HHAT: variants seen among roughly 807,000 people sequenced by gnomAD.
The protein encoded by HHAT is hedgehog acyltransferase, also known as protein-cysteine N-palmitoyltransferase HHAT.
A neutral mutation model predicts 70.8 loss-of-function variants in HHAT; 47 were observed. The ratio of observed to expected loss-of-function variants is 0.66; its 90% confidence interval spans 0.53 to 0.85. The LOEUF (loss-of-function observed/expected upper bound fraction) is 0.85, where lower values mean the gene tolerates loss of function less well. Among genes scored for constraint, HHAT ranks in the 40% least tolerant of loss-of-function variants. The pLI, the probability that HHAT is intolerant of heterozygous loss-of-function variation, is 0.00. For synonymous variants in HHAT, 228 were observed against 247.6 expected, an observed-to-expected ratio of 0.92 and a Z score of 0.74; for missense variants, 609 against 604.8, an observed-to-expected ratio of 1.01 and a Z score of -0.07.
intron 9 of HHAT, among the ~76,000 whole-genome samples, chr1:210,581,747 C>A (rs1232548278): frequency 1.3e-5 from 2 of 152,216 alleles, no homozygotes; most frequent in Admixed American, 6.5e-5. Context: ...CAAAGTCTCC[C>A]AGTACCTGGT....
chr1:210,410,447 G>GTT (rs34599460), intron 6 of HHAT, among the ~76,000 whole-genome samples: 3,728 of 119,262 alleles, frequency 0.031, 154 homozygotes, highest in African/African-American at 0.092. Context: ...AAAACCTTTT[G>GTT]TTTTTTTTTT....
At chr1:210,338,988 G>A (rs1433488794) in intron 1 of HHAT, among the ~76,000 whole-genome samples, 1 of 152,068 alleles carries the variant, frequency 6.6e-6, no homozygotes, top group African/African-American at 2.4e-5. Flanking sequence ...GAGCTGCAAT[G>A]AGCTATGATC....
At chr1:210,615,874 C>T (rs1667611071) in intron 10 of HHAT, among the ~76,000 whole-genome samples, 1 of 152,202 alleles carries the variant, frequency 6.6e-6, no homozygotes, top group Non-Finnish European at 1.5e-5. Flanking sequence ...AGTTAGGCTA[C>T]TCGGGGGTCA....
At chr1:210,508,886 CATTT>C (rs1007561212) in intron 8 of HHAT, among the ~76,000 whole-genome samples, 7 of 152,180 alleles carry the variant, frequency 4.6e-5, no homozygotes, top group African/African-American at 1.7e-4. Context: ...TTTTATCTTT[CATTT>C]TTAAAATGTT....
At chr1:210,353,950 G>C (rs1387291935) in intron 2 of HHAT, among the ~76,000 whole-genome samples, 3 of 151,992 alleles carry the variant, frequency 2.0e-5, no homozygotes. Flanking sequence ...TTGGATTGTT[G>C]ATTGTTTTTC....
intron 8 of HHAT, among the ~76,000 whole-genome samples, chr1:210,503,594 C>G (rs914960369): frequency 6.6e-6 from 1 of 152,166 alleles, no homozygotes; most frequent in African/African-American, 2.4e-5. Flanking sequence ...AAACACCAAC[C>G]TTGTTTGTTT....
intron 1 of HHAT, chr1:210,329,475 G>T (rs2084796994): frequency 9.7e-7 from 1 of 1,032,488 alleles, no homozygotes; most frequent in Non-Finnish European, 1.2e-6. Context: ...TGACTCCAGG[G>T]ACTCTAAAGT....
Position 210,328,954 on chromosome 1 carries a change from A to G in HHAT, c.-194A>G, listed in dbSNP as rs1004003327. The G allele has an allele frequency of 8.1e-7, 1 of 1,236,506 alleles. No homozygotes were observed. Among genetic ancestry groups the G allele is most frequent in the Non-Finnish European group, 1.0e-6 (1 of 967,364 alleles). The allele number at this position is 1,236,506 out of a possible 1,614,324, so 76.6% of individuals were successfully genotyped here. ...GGACGCGCGCTGCGCTGCTCCTCCA[A>G]AGGGCAGCTCCGGGGGAAAGAGGGT... On this transcript the variant is annotated 5_prime_UTR_variant, in exon 1 of 12. Coordinates refer to ENST00000261458, the MANE Select transcript of HHAT (RefSeq NM_018194.6).
intron 8 of HHAT, among the ~76,000 whole-genome samples, chr1:210,502,948 A>G (rs1382990508): frequency 6.6e-6 from 1 of 151,344 alleles, no homozygotes; most frequent in Non-Finnish European, 1.5e-5. Context: ...TGTGTACTCA[A>G]TATACTGTCT....
intron 9 of HHAT, among the ~76,000 whole-genome samples, chr1:210,560,490 G>A (rs2095611287): frequency 6.6e-6 from 1 of 151,978 alleles, no homozygotes; most frequent in Admixed American, 6.6e-5. Flanking sequence ...AAAGAACCTT[G>A]TAAAGGGATG....
chr1:210,602,611 T>C (rs1201395231), intron 10 of HHAT, among the ~76,000 whole-genome samples: 1 of 151,958 alleles, frequency 6.6e-6, no homozygotes, highest in Non-Finnish European at 1.5e-5. Context: ...TGCTTAGAAA[T>C]TTAGGAACAG....
intron 10 of HHAT, among the ~76,000 whole-genome samples, chr1:210,613,856 A>G (rs1667099086): frequency 6.6e-6 from 1 of 151,606 alleles, no homozygotes; most frequent in Admixed American, 6.6e-5. Context: ...TGACTCTACA[A>G]AAAAAAGCAA....
At chr1:210,649,368 G>A (rs990176520) in intron 11 of HHAT, among the ~76,000 whole-genome samples, 2 of 152,252 alleles carry the variant, frequency 1.3e-5, no homozygotes, top group Non-Finnish European at 2.9e-5. Flanking sequence ...AAAATAAGCC[G>A]TGGCTTCACA....
chr1:210,467,779 A>C (rs1039672503), intron 8 of HHAT, among the ~76,000 whole-genome samples: 1 of 152,154 alleles, frequency 6.6e-6, no homozygotes, highest in Non-Finnish European at 1.5e-5. Context: ...CTGATAGAGG[A>C]ATATTTAGCC....
At chr1:210,637,871 A>AAAAAGG (rs1553312396) in intron 11 of HHAT, among the ~76,000 whole-genome samples, 1 of 117,500 alleles carries the variant, frequency 8.5e-6, no homozygotes. Flanking sequence ...AAAAAAAAAA[A>AAAAAGG]GGGGGGGGCA....
intron 9 of HHAT, among the ~76,000 whole-genome samples, chr1:210,523,824 T>C (rs2095200754): frequency 6.6e-6 from 1 of 152,226 alleles, no homozygotes; most frequent in Admixed American, 6.5e-5. Flanking sequence ...TTATACCAAA[T>C]TAAGTGCCCT....
chr1:210,492,868 T>A, intron 8 of HHAT, among the ~76,000 whole-genome samples: 1 of 152,174 alleles, frequency 6.6e-6, no homozygotes, highest in Middle Eastern at 3.2e-3. Context: ...CATTAGTTTT[T>A]GTCTTCTTCC....
At chr1:210,329,449 G>C (rs961899004) in intron 1 of HHAT, 1 of 1,058,494 alleles carries the variant, frequency 9.4e-7, no homozygotes, top group Non-Finnish European at 1.1e-6. Flanking sequence ...TCGGCGGTGC[G>C]CCTGCCTGCC....
chr1:210,572,189 G>A (rs1225610497), intron 9 of HHAT, among the ~76,000 whole-genome samples: 1 of 152,160 alleles, frequency 6.6e-6, no homozygotes, highest in Non-Finnish European at 1.5e-5. Flanking sequence ...CTCTGATAGG[G>A]ATCGTGAATC....
Sources: gnomAD v4.1 joint callset for allele counts (sites outside exome capture counted in the v4.1 genomes callset) on GRCh38, gnomAD v4.1.1 for gene constraint, MANE v1.5 for transcripts, NCBI Gene and HGNC (gene_info 2026-07-23, HGNC 2026-07-21) for gene names.